The following CTNND2 variants were observed in gnomAD, a reference collection of about 807,000 sequenced individuals.
CTNND2 encodes the protein catenin delta 2.
CTNND2 carries 22 observed loss-of-function variants against 144.4 expected under a neutral mutation model. The ratio of observed to expected loss-of-function variants is 0.15; its 90% CI spans 0.11 to 0.22. CTNND2 has a LOEUF of 0.22. CTNND2 is among the 10% of genes least tolerant of loss of function. CTNND2 has a pLI of 1.00. For missense variants in CTNND2, 1,353 were observed against 1,618.8 expected, an observed-to-expected ratio of 0.84 and a Z score of 2.82; for synonymous variants, 751 against 695.6, an observed-to-expected ratio of 1.08 and a Z score of -1.25.
chr5:11,669,955 G>A (rs1395572691), intron 2 of CTNND2, among the ~76,000 whole-genome samples: 2 of 152,122 alleles, frequency 1.3e-5, no homozygotes, highest in African/African-American at 4.8e-5. Flanking sequence ...TTATGTCTTT[G>A]TTCTCACTGG....
intron 9 of CTNND2, among the ~76,000 whole-genome samples, chr5:11,306,892 C>G (rs1177741047): frequency 6.6e-6 from 1 of 152,202 alleles, no homozygotes; most frequent in African/African-American, 2.4e-5. Flanking sequence ...AAACAGAGGA[C>G]TGACACCTCT....
intron 3 of CTNND2, among the ~76,000 whole-genome samples, chr5:11,550,485 A>C (rs1043095712): frequency 1.3e-5 from 2 of 152,210 alleles, no homozygotes; most frequent in Non-Finnish European, 2.9e-5. Flanking sequence ...ATTTCGAGGA[A>C]AGTTGGCAGT....
chr5:11,456,835 T>C (rs1765776825), intron 3 of CTNND2, among the ~76,000 whole-genome samples: 1 of 152,182 alleles, frequency 6.6e-6, no homozygotes, highest in African/African-American at 2.4e-5. Context: ...CTACATAAAG[T>C]GGCAAATTTA....
intron 1 of CTNND2, among the ~76,000 whole-genome samples, chr5:11,853,707 C>G (rs1299589072): frequency 6.6e-6 from 1 of 152,204 alleles, no homozygotes; most frequent in Non-Finnish European, 1.5e-5. Context: ...TGCATCCCTA[C>G]AGTTTCTGAG....
chr5:11,793,702 G>A (rs1791255865), intron 1 of CTNND2, among the ~76,000 whole-genome samples: 1 of 152,136 alleles, frequency 6.6e-6, no homozygotes, highest in African/African-American at 2.4e-5. Flanking sequence ...CTTGATTTCA[G>A]ACTTCTGACC....
intron 2 of CTNND2, among the ~76,000 whole-genome samples, chr5:11,710,279 A>C (rs921960347): frequency 2.6e-4 from 39 of 152,174 alleles, no homozygotes; most frequent in African/African-American, 8.2e-4. Context: ...GCCGTGGCTC[A>C]CATCTATAAT....
chr5:11,293,321 C>T (rs1012136718), intron 9 of CTNND2, among the ~76,000 whole-genome samples: 1 of 152,134 alleles, frequency 6.6e-6, no homozygotes, highest in African/African-American at 2.4e-5. Flanking sequence ...GTAGAATTTC[C>T]ACTTAAGATA....
At chr5:11,608,849 C>T (rs1780184679) in intron 2 of CTNND2, among the ~76,000 whole-genome samples, 1 of 152,212 alleles carries the variant, frequency 6.6e-6, no homozygotes, top group Admixed American at 6.5e-5. Context: ...TCATCAGCAG[C>T]AGCAGCACCA....
intron 9 of CTNND2, among the ~76,000 whole-genome samples, chr5:11,261,992 C>G (rs147077040): frequency 6.6e-6 from 1 of 152,078 alleles, no homozygotes; most frequent in East Asian, 1.9e-4. Context: ...AACATATCTA[C>G]GCCTTAGTTA....
rs539296820 is a variant in CTNND2 at position 11,523,580 on chromosome 5, C to T, written c.287+41364G>A. ...ACAGAGTACTAGAGGCTGGAGTCCA[C>T]GTTTCTTCAGAGAAGAACTTTTGAT... On this transcript the variant is annotated intron_variant, in intron 3 of 21. Transcript: ENST00000304623. Among the ~76,000 whole-genome samples, 5 of 152,306 alleles carry T rather than the reference C, an allele frequency of 3.3e-5. No homozygotes were observed. In the East Asian group the frequency reaches 7.7e-4, roughly 24 times the overall value.
At chr5:11,347,966 G>A (rs1228388571) in intron 8 of CTNND2, among the ~76,000 whole-genome samples, 2 of 152,192 alleles carry the variant, frequency 1.3e-5, no homozygotes, top group Non-Finnish European at 2.9e-5. Context: ...TGACTTAAGA[G>A]TTCAGGGCTC....
intron 5 of CTNND2, among the ~76,000 whole-genome samples, chr5:11,410,654 T>A (rs967158457): frequency 1.3e-5 from 2 of 152,078 alleles, no homozygotes; most frequent in Admixed American, 6.6e-5. Context: ...AATACGTCAT[T>A]AAATGGAGAG....
chr5:11,460,981 G>A (rs1041697259), intron 3 of CTNND2, among the ~76,000 whole-genome samples: 8 of 151,936 alleles, frequency 5.3e-5, no homozygotes, highest in Non-Finnish European at 1.2e-4. Context: ...CTCAGGAGGT[G>A]GAGGTTGCAG....
At chr5:11,857,670 T>C (rs749331601) in intron 1 of CTNND2, among the ~76,000 whole-genome samples, 2 of 152,128 alleles carry the variant, frequency 1.3e-5, no homozygotes, top group Non-Finnish European at 2.9e-5. Flanking sequence ...ACCTAGTTAG[T>C]GTCATATTTA....
At chr5:11,423,091 G>T (rs1762497822) in intron 3 of CTNND2, among the ~76,000 whole-genome samples, 1 of 152,158 alleles carries the variant, frequency 6.6e-6, no homozygotes, top group South Asian at 2.1e-4. Context: ...TCCATAAATT[G>T]GAATGTAGTA....
chr5:11,037,960 C>A (rs1170569432), intron 16 of CTNND2, among the ~76,000 whole-genome samples: 2 of 152,110 alleles, frequency 1.3e-5, no homozygotes, highest in Non-Finnish European at 2.9e-5. Flanking sequence ...GGGTGTTTTT[C>A]TTTAGCCATA....
At chr5:11,271,097 T>C (rs971759852) in intron 9 of CTNND2, among the ~76,000 whole-genome samples, 1 of 152,208 alleles carries the variant, frequency 6.6e-6, no homozygotes, top group East Asian at 1.9e-4. Flanking sequence ...CACACACCTA[T>C]GTATATGCAT....
intron 9 of CTNND2, among the ~76,000 whole-genome samples, chr5:11,244,913 AAAT>A (rs1450486877): frequency 6.6e-6 from 1 of 152,190 alleles, no homozygotes; most frequent in Non-Finnish European, 1.5e-5. Context: ...TTCTCATATA[AAAT>A]TTGTATTATT....
At chr5:11,537,427 A>C (rs1561528906) in intron 3 of CTNND2, among the ~76,000 whole-genome samples, 1 of 152,194 alleles carries the variant, frequency 6.6e-6, no homozygotes, top group Non-Finnish European at 1.5e-5. Flanking sequence ...TTAGTGTTAA[A>C]CATCTTATTT....
Sources: gnomAD v4.1 joint callset for allele counts (sites outside exome capture counted in the v4.1 genomes callset) on GRCh38, gnomAD v4.1.1 for gene constraint, MANE v1.5 for transcripts, NCBI Gene and HGNC (gene_info 2026-07-23, HGNC 2026-07-21) for gene names.